Variants in DIAPH3 observed in about 807,000 individuals in gnomAD.
DIAPH3 encodes the protein protein diaphanous homolog 3.
In DIAPH3, 117 loss-of-function variants were observed where a neutral mutation model predicts 144.3. The ratio of observed to expected loss-of-function variants is 0.81; its 90% confidence interval spans 0.70 to 0.95. DIAPH3 has a LOEUF of 0.95. DIAPH3 is among the 40% of genes least tolerant of loss of function. DIAPH3 has a pLI of 0.00. For synonymous variants in DIAPH3, 519 were observed against 488.9 expected, an observed-to-expected ratio of 1.06 and a Z score of -0.81; for missense variants, 1,421 against 1,412.7, an observed-to-expected ratio of 1.01 and a Z score of -0.09.
At chr13:60,140,088 G>A (rs1368462039) in intron 1 of DIAPH3, among the ~76,000 whole-genome samples, 4 of 152,128 alleles carry the variant, frequency 2.6e-5, no homozygotes. Context: ...GAAGCTTATC[G>A]CAACTACTAA....
chr13:59,787,167 G>A (rs961143042), intron 25 of DIAPH3, among the ~76,000 whole-genome samples: 1 of 152,072 alleles, frequency 6.6e-6, no homozygotes, highest in Non-Finnish European at 1.5e-5. Flanking sequence ...CACATGACAA[G>A]TCAATTCATG....
chr13:59,863,352 G>A (rs2043716558), intron 21 of DIAPH3, among the ~76,000 whole-genome samples: 1 of 151,912 alleles, frequency 6.6e-6, no homozygotes, highest in Non-Finnish European at 1.5e-5. Context: ...ACCTAATTGG[G>A]CACAGTACTA....
At chr13:59,839,142 T>G in intron 23 of DIAPH3, 182 bp downstream of exon 23, 1 of 579,810 alleles carries the variant, frequency 1.7e-6, no homozygotes, top group Non-Finnish European at 3.0e-6. Context: ...AGACAGACAT[T>G]TGTGTATTAT....
At chr13:60,122,174 C>T (rs2058863334) in intron 2 of DIAPH3, among the ~76,000 whole-genome samples, 1 of 152,178 alleles carries the variant, frequency 6.6e-6, no homozygotes, top group South Asian at 2.1e-4. Context: ...TTTCACCACT[C>T]CACCACCTTA....
At chr13:59,883,730 G>A (rs1033980028) in intron 20 of DIAPH3, among the ~76,000 whole-genome samples, 3 of 152,136 alleles carry the variant, frequency 2.0e-5, no homozygotes, top group African/African-American at 4.8e-5. Context: ...GCATCGCAAT[G>A]TGGAAATTAA....
intron 25 of DIAPH3, among the ~76,000 whole-genome samples, chr13:59,777,726 G>A (rs59365826): frequency 0.038 from 5,754 of 152,202 alleles, 155 homozygotes; most frequent in East Asian, 0.096. Context: ...GAAGTCCAAA[G>A]TAAGGGACAT....
At chr13:60,101,618 A>G (rs1288993428) in intron 3 of DIAPH3, among the ~76,000 whole-genome samples, 1 of 152,116 alleles carries the variant, frequency 6.6e-6, no homozygotes, top group African/African-American at 2.4e-5. Context: ...AGGGAAGCCA[A>G]AAGATTGGGC....
At chr13:60,099,114 TTAATA>T (rs2058190035) in intron 3 of DIAPH3, among the ~76,000 whole-genome samples, 1 of 152,200 alleles carries the variant, frequency 6.6e-6, no homozygotes. Flanking sequence ...AAAAGTTCTA[TTAATA>T]TGTTAGTAAT....
At chr13:60,017,305 A>T (rs1485069378) in intron 5 of DIAPH3, among the ~76,000 whole-genome samples, 2 of 151,762 alleles carry the variant, frequency 1.3e-5, no homozygotes, top group African/African-American at 4.8e-5. Flanking sequence ...CGGAGAGGCT[A>T]AGGCAGGAGA....
chr13:59,763,532 A>AC (rs2037717344), intron 27 of DIAPH3, among the ~76,000 whole-genome samples: 1 of 152,026 alleles, frequency 6.6e-6, no homozygotes, highest in South Asian at 2.1e-4. Flanking sequence ...AAAAATAAAA[A>AC]AATTAGCTAG....
intron 1 of DIAPH3, among the ~76,000 whole-genome samples, chr13:60,161,979 GT>G (rs1361267210): frequency 2.0e-5 from 3 of 152,160 alleles, no homozygotes; most frequent in Non-Finnish European, 4.4e-5. Context: ...ACCTAAATTA[GT>G]TTCAAAGTAC....
intron 5 of DIAPH3, among the ~76,000 whole-genome samples, chr13:60,036,340 C>G (rs993701543): frequency 4.6e-5 from 7 of 152,100 alleles, no homozygotes; most frequent in African/African-American, 1.7e-4. Context: ...CTTACAATGA[C>G]AGAAATGGCC....
chr13:59,740,152 C>T lies in DIAPH3; in HGVS notation c.3319+34037G>A, dbSNP rs147846739. 4.0e-3 allele frequency among the ~76,000 whole-genome samples: 607 copies of T among 152,248 alleles called. 2 individuals are homozygous for T. Among genetic ancestry groups the T allele is most frequent in the Non-Finnish European group, 6.7e-3 (458 of 68,008 alleles). ...GTATACACTCATTTATCTACTTATTCGAGGTTATGGTACAGAATTGTTTCA... is the reference window on the plus strand; with the variant it reads ...GTATACACTCATTTATCTACTTATTTGAGGTTATGGTACAGAATTGTTTCA... On this transcript the variant is annotated intron_variant, in intron 27 of 27. Transcript: ENST00000400324.
chr13:59,784,313 C>T (rs1433897109), intron 25 of DIAPH3, among the ~76,000 whole-genome samples: 1 of 151,640 alleles, frequency 6.6e-6, no homozygotes, highest in Non-Finnish European at 1.5e-5. Context: ...AATCTCCTGA[C>T]CTCGTGATCC....
At chr13:59,808,360 T>G (rs1324106416) in intron 25 of DIAPH3, among the ~76,000 whole-genome samples, 3 of 151,930 alleles carry the variant, frequency 2.0e-5, no homozygotes, top group Non-Finnish European at 4.4e-5. Flanking sequence ...CCAACTTTAG[T>G]AATACTCAAA....
chr13:59,770,513 T>C (rs1210284445), intron 27 of DIAPH3, among the ~76,000 whole-genome samples: 3 of 152,100 alleles, frequency 2.0e-5, no homozygotes, highest in African/African-American at 7.2e-5. Context: ...ACTAGGGTGT[T>C]ACTAGAATGT....
chr13:60,146,182 G>A (rs190061681), intron 1 of DIAPH3, among the ~76,000 whole-genome samples: 2 of 152,274 alleles, frequency 1.3e-5, no homozygotes, highest in East Asian at 1.9e-4. Flanking sequence ...CGCATAAGAT[G>A]TAGGTTACCT....
chr13:60,025,359 A>C lies in DIAPH3; in HGVS notation c.627-9214T>G, dbSNP rs904973431. Among the ~76,000 whole-genome samples, 6 of 139,782 alleles carry C rather than the reference A, an allele frequency of 4.3e-5. No individual in the cohort carries two copies. The East Asian group carries it at 1.3e-3, about 31-fold the overall frequency. 91.7% of individuals were successfully genotyped at this position (139,782 alleles called of 152,430 possible). A position where few individuals can be genotyped will look rare whatever the true frequency, so the allele number is the denominator to read the frequency against. On this transcript the variant is annotated intron_variant, in intron 5 of 27. Transcript: ENST00000400324. ...CTCAAGGTTCCTAGCCTGTCTTCTT[A>C]TATTTGTTTCACATATAATGTCCAG...
At chr13:60,115,213 C>G (rs2058672803) in intron 2 of DIAPH3, among the ~76,000 whole-genome samples, 1 of 152,158 alleles carries the variant, frequency 6.6e-6, no homozygotes, top group Admixed American at 6.5e-5. Flanking sequence ...TCAATCTATA[C>G]AATTCACGTA....
Sources: gnomAD v4.1 joint callset for allele counts (sites outside exome capture counted in the v4.1 genomes callset) on GRCh38, gnomAD v4.1.1 for gene constraint, MANE v1.5 for transcripts, NCBI Gene and HGNC (gene_info 2026-07-23, HGNC 2026-07-21) for gene names.